Variants in KDM4B observed in about 807,000 individuals in gnomAD.
KDM4B encodes lysine demethylase 4B.
In KDM4B, 32 loss-of-function variants were observed where a neutral mutation model predicts 125.2. That is an observed-to-expected ratio of 0.26 (90% CI 0.19 to 0.34). The LOEUF (loss-of-function observed/expected upper bound fraction) is 0.34, where lower values mean the gene tolerates loss of function less well. KDM4B is among the 10% of genes least tolerant of loss of function. The probability of loss-of-function intolerance (pLI) is 1.00; values close to 1 mark genes in which losing one functional copy is unlikely to be tolerated. For synonymous variants in KDM4B, 721 were observed against 677.9 expected (o/e 1.06, Z -0.99); for missense variants, 1,190 against 1,577.7 (o/e 0.75, Z 4.16).
intron 5 of KDM4B, among the ~76,000 whole-genome samples, chr19:5,045,332 G>A (rs1052589605): frequency 2.0e-5 from 3 of 152,158 alleles, no homozygotes; most frequent in Non-Finnish European, 2.9e-5. Context: ...ATGCCTGTTT[G>A]CCATCTGTGT....
chr19:5,143,666 G>T (rs537756082), intron 18 of KDM4B, among the ~76,000 whole-genome samples: 2 of 152,136 alleles, frequency 1.3e-5, no homozygotes, highest in African/African-American at 4.8e-5. Context: ...TCAGTGACAC[G>T]CAGGGGGACG....
chr19:4,972,191 C>G (rs188174096), intron 1 of KDM4B, among the ~76,000 whole-genome samples: 4 of 152,220 alleles, frequency 2.6e-5, no homozygotes, highest in African/African-American at 9.6e-5. Context: ...GTGGTCTTGA[C>G]GACGTCTCTG....
intron 1 of KDM4B, among the ~76,000 whole-genome samples, chr19:5,004,451 C>T (rs1482770487): frequency 6.6e-6 from 1 of 152,180 alleles, no homozygotes; most frequent in East Asian, 1.9e-4. Flanking sequence ...TACACCTCTA[C>T]CCACGATCCA....
chr19:5,042,075 C>T (rs1462179340), intron 5 of KDM4B, among the ~76,000 whole-genome samples: 14 of 152,254 alleles, frequency 9.2e-5, no homozygotes, highest in Admixed American at 9.2e-4. Flanking sequence ...GCTTCCGGCC[C>T]CACCAGAAGC....
intron 14 of KDM4B, 116 bp from the exon 15 acceptor site, chr19:5,135,223 C>G (rs1043704838): frequency 1.5e-6 from 1 of 669,818 alleles, no homozygotes; most frequent in African/African-American, 1.8e-5. Context: ...CCGACCTCCC[C>G]CTCCAGAGCC....
At chr19:5,051,794 C>G (rs958866558) in intron 6 of KDM4B, among the ~76,000 whole-genome samples, 1 of 152,240 alleles carries the variant, frequency 6.6e-6, no homozygotes, top group African/African-American at 2.4e-5. Flanking sequence ...CTTGACCTGC[C>G]CATGACCCGC....
At chr19:5,117,604 C>T (rs1324930924) in intron 10 of KDM4B, among the ~76,000 whole-genome samples, 3 of 152,200 alleles carry the variant, frequency 2.0e-5, no homozygotes, top group Non-Finnish European at 1.5e-5. Flanking sequence ...AGGCACCCAG[C>T]ATTTGCCTAG....
intron 1 of KDM4B, among the ~76,000 whole-genome samples, chr19:4,990,009 G>C (rs925258901): frequency 6.6e-6 from 1 of 152,114 alleles, no homozygotes; most frequent in African/African-American, 2.4e-5. Context: ...GTTTGGGCCA[G>C]GTGCAGTGGG....
intron 1 of KDM4B, among the ~76,000 whole-genome samples, chr19:5,014,333 G>A (rs1294793352): frequency 6.6e-6 from 1 of 152,182 alleles, no homozygotes; most frequent in Non-Finnish European, 1.5e-5. Flanking sequence ...CTGGGGTGCA[G>A]TGGCACGATC....
chr19:5,063,432 AC>A lies in KDM4B; in HGVS notation c.627-7576del, dbSNP rs2037668260. On this transcript the variant is annotated intron_variant, in intron 6 of 22. Transcript: ENST00000159111. Reference sequence around the variant, plus strand: ...GTCAGATATTCCCTACTGCTTGCCAACCATGTGTGTACATGGGCACTGTCCC... The same window carrying A: ...GTCAGATATTCCCTACTGCTTGCCAACATGTGTGTACATGGGCACTGTCCC... Among the ~76,000 whole-genome samples, 4 of 152,270 alleles carry A rather than the reference AC, an allele frequency of 2.6e-5. No homozygotes were observed. In the South Asian group the frequency reaches 8.3e-4, roughly 32 times the overall value.
chr19:5,000,718 A>G (rs964339437), intron 1 of KDM4B, among the ~76,000 whole-genome samples: 2 of 152,014 alleles, frequency 1.3e-5, no homozygotes, highest in Admixed American at 6.6e-5. Context: ...TACTGTGGTT[A>G]TATTGTTTGC....
chr19:5,149,353 C>T (rs546699962), intron 21 of KDM4B, among the ~76,000 whole-genome samples: 6 of 152,332 alleles, frequency 3.9e-5, no homozygotes, highest in East Asian at 3.9e-4. Context: ...CATTTTGAGA[C>T]GGGGTCTTGA....
chr19:5,118,343 T>C (rs780304155), intron 10 of KDM4B, among the ~76,000 whole-genome samples: 15 of 152,232 alleles, frequency 9.9e-5, no homozygotes, highest in Non-Finnish European at 1.9e-4. Context: ...CAGCTCTGCC[T>C]GACTGCTGGC....
rs1206070807 is a variant in KDM4B at position 5,142,470 on chromosome 19, C to T, written c.2551-1497C>T. On this transcript the variant is annotated intron_variant, in intron 18 of 22. Coordinates refer to ENST00000159111, the MANE Select transcript of KDM4B (RefSeq NM_015015.3). The surrounding 1 kb of genome is among the most constrained non-coding windows in gnomAD (Gnocchi z 5.4). ...GGGTCCGGGGGCACGCTTTTCACAACGTGGAGATGCAGGGTCATGGGCTGC... is the reference window on the plus strand; with the variant it reads ...GGGTCCGGGGGCACGCTTTTCACAATGTGGAGATGCAGGGTCATGGGCTGC... Among the ~76,000 whole-genome samples, 1 of 152,160 alleles carries T rather than the reference C, an allele frequency of 6.6e-6. No individual in the cohort carries two copies. The highest frequency in any genetic ancestry group is 2.4e-5 in the African/African-American group (1 of 41,450).
chr19:4,984,588 T>A (rs1366977180), intron 1 of KDM4B, among the ~76,000 whole-genome samples: 1 of 152,118 alleles, frequency 6.6e-6, no homozygotes, highest in African/African-American at 2.4e-5. Flanking sequence ...GTACGCCTCG[T>A]CAGGTTTTCT....
intron 9 of KDM4B, among the ~76,000 whole-genome samples, chr19:5,090,403 T>C (rs1393941293): frequency 4.6e-4 from 12 of 26,262 alleles, no homozygotes; most frequent in African/African-American, 2.4e-3. Flanking sequence ...CCTCTCTCTC[T>C]CTCTCCCCCT....
intron 1 of KDM4B, among the ~76,000 whole-genome samples, chr19:5,011,908 C>T (rs1477088744): frequency 6.6e-6 from 1 of 152,234 alleles, no homozygotes; most frequent in East Asian, 1.9e-4. Context: ...CCAGTGGTCT[C>T]TTCTTCCGCC....
At chr19:5,103,520 T>A (rs903880176) in intron 9 of KDM4B, among the ~76,000 whole-genome samples, 1 of 152,102 alleles carries the variant, frequency 6.6e-6, no homozygotes. Flanking sequence ...CCGCACTGCT[T>A]CCAGCTCTTT....
At chr19:5,036,342 C>T (rs1056108350) in intron 3 of KDM4B, among the ~76,000 whole-genome samples, 10 of 152,244 alleles carry the variant, frequency 6.6e-5, no homozygotes, top group African/African-American at 1.2e-4. Context: ...GCGGGAGCTG[C>T]GGGCACAGCC....
Sources: gnomAD v4.1 joint callset for allele counts (sites outside exome capture counted in the v4.1 genomes callset) on GRCh38, gnomAD v4.1.1 for gene constraint, Gnocchi (gnomAD v3.1) non-coding constraint, MANE v1.5 for transcripts, NCBI Gene and HGNC (gene_info 2026-07-23, HGNC 2026-07-21) for gene names.